CSMD1: variants seen among roughly 807,000 people sequenced by gnomAD.
CSMD1 encodes CUB and Sushi multiple domains 1, also known as CUB and sushi domain-containing protein 1.
A neutral mutation model predicts 417.5 loss-of-function variants in CSMD1; 213 were observed. The ratio of observed to expected loss-of-function variants is 0.51; its 90% CI spans 0.46 to 0.57. The LOEUF is 0.57. Among genes scored for constraint, CSMD1 ranks in the 20% least tolerant of loss-of-function variants. The pLI is 0.00. For synonymous variants in CSMD1, 2,862 were observed against 1,736.8 expected, an observed-to-expected ratio of 1.65 and a Z score of -16.11; for missense variants, 6,923 against 4,529.7, an observed-to-expected ratio of 1.53 and a Z score of -15.17.
At chr8:4,716,940 T>C (rs1211887869) in intron 1 of CSMD1, among the ~76,000 whole-genome samples, 3 of 152,090 alleles carry the variant, frequency 2.0e-5, no homozygotes, top group Non-Finnish European at 4.4e-5. Context: ...TCCAATAGGT[T>C]AAAAAATGAA....
chr8:4,292,779 C>T (rs888531449), intron 3 of CSMD1, among the ~76,000 whole-genome samples: 1 of 152,188 alleles, frequency 6.6e-6, no homozygotes, highest in Admixed American at 6.5e-5. Context: ...ACACAATCTT[C>T]AGTAGTCCCA....
At chr8:3,225,949 T>G (rs1190768324) in intron 27 of CSMD1, among the ~76,000 whole-genome samples, 2 of 152,222 alleles carry the variant, frequency 1.3e-5, no homozygotes, top group Non-Finnish European at 2.9e-5. Context: ...CCACCTATTC[T>G]TTTCGACCCA....
At chr8:3,195,749 A>G (rs1288842113) in intron 33 of CSMD1, among the ~76,000 whole-genome samples, 1 of 152,142 alleles carries the variant, frequency 6.6e-6, no homozygotes, top group Non-Finnish European at 1.5e-5. Flanking sequence ...CTGGTATAAA[A>G]CACTTTCTGC....
At chr8:4,602,928 G>C (rs1165836531) in intron 2 of CSMD1, among the ~76,000 whole-genome samples, 2 of 151,712 alleles carry the variant, frequency 1.3e-5, no homozygotes, top group African/African-American at 4.8e-5. Context: ...AGATTATTAT[G>C]TATGAATGTA....
intron 7 of CSMD1, among the ~76,000 whole-genome samples, chr8:3,667,665 G>C (rs898832077): frequency 6.6e-6 from 1 of 152,170 alleles, no homozygotes; most frequent in Non-Finnish European, 1.5e-5. Flanking sequence ...TTGGGGTGAA[G>C]AGCAGTTGTC....
intron 3 of CSMD1, among the ~76,000 whole-genome samples, chr8:4,371,280 G>A (rs561906377): frequency 8.5e-5 from 13 of 152,176 alleles, no homozygotes; most frequent in African/African-American, 2.4e-4. Context: ...TTGAGGATGC[G>A]CCTCTGCTGG....
intron 3 of CSMD1, among the ~76,000 whole-genome samples, chr8:4,324,640 A>G (rs1799450930): frequency 6.6e-6 from 1 of 152,226 alleles, no homozygotes; most frequent in Non-Finnish European, 1.5e-5. Flanking sequence ...AGAAGAAAAC[A>G]AACAAACACT....
chr8:4,565,789 TATATATATGTATAC>T (rs1798578306), intron 2 of CSMD1, among the ~76,000 whole-genome samples: 2 of 73,942 alleles, frequency 2.7e-5, no homozygotes, highest in African/African-American at 4.3e-5. Context: ...TATATATATA[TATATATATGTATAC>T]ATATATATAT....
At chr8:4,423,394 A>T (rs183532225) in intron 2 of CSMD1, among the ~76,000 whole-genome samples, 2 of 152,228 alleles carry the variant, frequency 1.3e-5, no homozygotes, top group East Asian at 3.9e-4. Flanking sequence ...ACAAAAATCT[A>T]TTGTAGTTCT....
At chr8:3,862,126 GC>G (rs1804756997) in intron 5 of CSMD1, among the ~76,000 whole-genome samples, 1 of 151,832 alleles carries the variant, frequency 6.6e-6, no homozygotes, top group African/African-American at 2.4e-5. Context: ...TTTTTAATCT[GC>G]CCTGCTGTGA....
At chr8:3,054,229 A>G (rs1466887660) in intron 49 of CSMD1, among the ~76,000 whole-genome samples, 1 of 152,242 alleles carries the variant, frequency 6.6e-6, no homozygotes, top group Non-Finnish European at 1.5e-5. Context: ...GAGAAGTAAA[A>G]GAAAATGTAT....
chr8:4,914,051 A>G (rs559858242), intron 1 of CSMD1, among the ~76,000 whole-genome samples: 1 of 152,346 alleles, frequency 6.6e-6, no homozygotes, highest in Admixed American at 6.5e-5. Context: ...GAAGAAACAA[A>G]TCTTAGTACG....
At chr8:4,900,158 C>A (rs886492128) in intron 1 of CSMD1, among the ~76,000 whole-genome samples, 5 of 152,126 alleles carry the variant, frequency 3.3e-5, no homozygotes, top group African/African-American at 1.2e-4. Context: ...TTCTTAAAGA[C>A]ATACCTCACC....
chr8:4,785,226 C>T (rs1259307030), intron 1 of CSMD1, among the ~76,000 whole-genome samples: 1 of 152,100 alleles, frequency 6.6e-6, no homozygotes, highest in Non-Finnish European at 1.5e-5. Flanking sequence ...CCAGCTCATG[C>T]CTGTTAGTCT....
intron 2 of CSMD1, among the ~76,000 whole-genome samples, chr8:4,508,448 A>G (rs1802648062): frequency 6.6e-6 from 1 of 152,212 alleles, no homozygotes; most frequent in Non-Finnish European, 1.5e-5. Context: ...GATACCAATG[A>G]AACAAGTAAG....
At position 2,974,569 on chromosome 8, in the gene CSMD1, C is replaced by T. The variant is rs773062815; in HGVS notation, c.8622G>A (p.Leu2874=). 3 of 1,612,902 alleles carry T rather than the reference C, an allele frequency of 1.9e-6. No homozygotes were observed. Among genetic ancestry groups the T allele is most frequent in the Non-Finnish European group, 2.5e-6 (3 of 1,179,422 alleles). Residue 2874 remains leucine (L), a synonymous_variant, in exon 56 of 70, where the codon CTG becomes CTA. Coordinates refer to ENST00000635120, the MANE Select transcript of CSMD1 (RefSeq NM_033225.6). ...AGTGCACGACGGCGCCATAGGTAAA[C>T]AGCTCTCCAGTGAGGACGGCGTTGG... ...VPANAVLTGE[L]FTYGAVVHYS...
intron 52 of CSMD1, among the ~76,000 whole-genome samples, chr8:3,014,671 G>C (rs1166032519): frequency 6.6e-6 from 1 of 152,126 alleles, no homozygotes; most frequent in Non-Finnish European, 1.5e-5. Flanking sequence ...CCAGCACTTT[G>C]GGAACCTAAG....
chr8:3,343,159 T>C lies in CSMD1; in HGVS notation c.3631+135A>G, dbSNP rs548360269. The C allele has an allele frequency of 9.0e-6, 6 of 664,660 alleles. No individual in the cohort carries two copies. The East Asian group carries it at 1.7e-4, about 19-fold the overall frequency. The allele number at this position is 664,660 out of a possible 1,614,324, so 41.2% of individuals were successfully genotyped here. ...CCGAATATACAACCAGTCAACAGAG[T>C]ACAGAATTAAACTGCAATCAAAAAC... is the stretch of plus-strand genomic sequence containing the variant. On this transcript the variant is annotated intron_variant, in intron 23 of 69. Transcript: ENST00000635120.
intron 3 of CSMD1, among the ~76,000 whole-genome samples, chr8:4,196,242 A>T (rs536442736): frequency 5.3e-5 from 8 of 152,232 alleles, no homozygotes; most frequent in African/African-American, 1.7e-4. Context: ...TAATAAAAAT[A>T]AACGTCTGCT....
Sources: allele counts gnomAD v4.1 joint callset (sites outside exome capture counted in the v4.1 genomes callset), GRCh38; gene constraint gnomAD v4.1.1; transcripts MANE v1.5; gene names NCBI Gene and HGNC (gene_info 2026-07-23, HGNC 2026-07-21).